The following LRRTM4 variants were observed in gnomAD, a reference collection of about 807,000 sequenced individuals.
LRRTM4 encodes the protein leucine-rich repeat transmembrane neuronal protein 4.
A neutral mutation model predicts 47.6 loss-of-function variants in LRRTM4; 25 were observed. The ratio of observed to expected loss-of-function variants is 0.53; its 90% CI spans 0.38 to 0.73. The LOEUF (loss-of-function observed/expected upper bound fraction) is 0.73, where lower values mean the gene tolerates loss of function less well. Ranked by LOEUF, LRRTM4 falls within the 30% of genes least tolerant of loss-of-function variation. The pLI is 0.00. For synonymous variants in LRRTM4, 311 were observed against 269.5 expected, an observed-to-expected ratio of 1.15 and a Z score of -1.51; for missense variants, 638 against 713.4, an observed-to-expected ratio of 0.89 and a Z score of 1.20.
At chr2:77,079,630 C>G (rs1032843983) in intron 3 of LRRTM4, among the ~76,000 whole-genome samples, 1 of 152,132 alleles carries the variant, frequency 6.6e-6, no homozygotes, top group Non-Finnish European at 1.5e-5. Context: ...ATTGGATACC[C>G]CTGCTGAATG....
intron 3 of LRRTM4, among the ~76,000 whole-genome samples, chr2:76,892,199 T>C (rs1238464883): frequency 1.3e-5 from 2 of 151,542 alleles, no homozygotes; most frequent in South Asian, 4.1e-4. Flanking sequence ...TCTCTCAAAA[T>C]AGAAATGGTT....
At chr2:77,392,217 G>C (rs1469692621) in intron 3 of LRRTM4, among the ~76,000 whole-genome samples, 2 of 151,938 alleles carry the variant, frequency 1.3e-5, no homozygotes, top group Non-Finnish European at 2.9e-5. Flanking sequence ...TCTTCAGGTG[G>C]AGCTTATTCC....
At chr2:77,466,675 A>G (rs1676993175) in intron 3 of LRRTM4, among the ~76,000 whole-genome samples, 1 of 150,564 alleles carries the variant, frequency 6.6e-6, no homozygotes, top group Non-Finnish European at 1.5e-5. Context: ...ATTTGGTGCT[A>G]TGATAAAAAA....
chr2:77,181,749 G>C (rs1054897588), intron 3 of LRRTM4, among the ~76,000 whole-genome samples: 1 of 151,906 alleles, frequency 6.6e-6, no homozygotes, highest in African/African-American at 2.4e-5. Context: ...GCAAAAAAAA[G>C]CAGTAGATGT....
At chr2:76,796,937 C>A (rs6707626) in intron 3 of LRRTM4, among the ~76,000 whole-genome samples, 91,826 of 151,734 alleles carry the variant, frequency 0.61, 29,333 homozygotes, top group African/African-American at 0.78. Context: ...AAGAAATGAG[C>A]AAAGCCTCCA....
chr2:76,857,658 G>T (rs1253777954), intron 3 of LRRTM4, among the ~76,000 whole-genome samples: 2 of 152,084 alleles, frequency 1.3e-5, no homozygotes, highest in East Asian at 3.9e-4. Flanking sequence ...CTGCATAATT[G>T]TTTATACTGA....
intron 3 of LRRTM4, among the ~76,000 whole-genome samples, chr2:76,947,537 G>A (rs182888520): frequency 2.0e-5 from 3 of 151,814 alleles, no homozygotes; most frequent in Non-Finnish European, 4.4e-5. Context: ...CACTCATAAT[G>A]TATGTTAAAC....
intron 3 of LRRTM4, among the ~76,000 whole-genome samples, chr2:77,297,341 TAATGA>T (rs1677001516): frequency 6.6e-6 from 1 of 152,176 alleles, no homozygotes. Context: ...AACTAAAATT[TAATGA>T]GACTGATTAT....
chr2:77,207,664 C>G (rs1356290289), intron 3 of LRRTM4, among the ~76,000 whole-genome samples: 4 of 151,782 alleles, frequency 2.6e-5, no homozygotes, highest in African/African-American at 9.7e-5. Flanking sequence ...CAATCACTGA[C>G]AATTCTGGAT....
chr2:77,167,932 C>T (rs1276981304), intron 3 of LRRTM4, among the ~76,000 whole-genome samples: 1 of 151,998 alleles, frequency 6.6e-6, no homozygotes, highest in African/African-American at 2.4e-5. Context: ...CACATGTACC[C>T]TAGAACTTAA....
intron 3 of LRRTM4, among the ~76,000 whole-genome samples, chr2:76,848,572 C>T (rs1399791950): frequency 6.6e-6 from 1 of 151,962 alleles, no homozygotes; most frequent in African/African-American, 2.4e-5. Flanking sequence ...AAAATGGAAA[C>T]ATTTGTTATA....
intron 3 of LRRTM4, among the ~76,000 whole-genome samples, chr2:77,193,732 C>T (rs186435473): frequency 2.0e-5 from 3 of 152,110 alleles, no homozygotes; most frequent in African/African-American, 7.2e-5. Context: ...AGCCAGGAGG[C>T]GGGCATTGCA....
chr2:76,762,896 A>G (rs1016937474), intron 3 of LRRTM4, among the ~76,000 whole-genome samples: 1 of 152,194 alleles, frequency 6.6e-6, no homozygotes, highest in Non-Finnish European at 1.5e-5. Context: ...TTTAAATAAC[A>G]TAACATCAAC....
intron 3 of LRRTM4, among the ~76,000 whole-genome samples, chr2:77,382,782 C>T (rs967049748): frequency 2.6e-5 from 4 of 152,128 alleles, no homozygotes; most frequent in Non-Finnish European, 5.9e-5. Context: ...AAATATTTTT[C>T]ACCTTTTTAA....
At chr2:76,901,770 C>T (rs1279374893) in intron 3 of LRRTM4, among the ~76,000 whole-genome samples, 1 of 152,048 alleles carries the variant, frequency 6.6e-6, no homozygotes, top group Non-Finnish European at 1.5e-5. Context: ...TCCGAGGTCA[C>T]CAAAATTCAC....
At position 77,420,087 on chromosome 2, in the gene LRRTM4, T is replaced by A. The variant is rs146273403; in HGVS notation, c.1551+98231A>T. Among the ~76,000 whole-genome samples the A allele has an allele frequency of 3.3e-5, 5 of 152,306 alleles. No individual in the cohort carries two copies. The East Asian group carries it at 9.7e-4, about 30-fold the overall frequency. The stretch of plus-strand genomic sequence containing the variant: ...AACCCAAGGGTGAGCTGTGAAAGGA[T>A]CTGCTTCTTAGCTCACTCACATCAT... On this transcript the variant is annotated intron_variant, in intron 3 of 3. Coordinates refer to ENST00000409884, the MANE Select transcript of LRRTM4 (RefSeq NM_001134745.3).
intron 3 of LRRTM4, among the ~76,000 whole-genome samples, chr2:76,873,329 T>C (rs1379414617): frequency 6.6e-6 from 1 of 151,736 alleles, no homozygotes; most frequent in Non-Finnish European, 1.5e-5. Context: ...AGAGCCCTCT[T>C]TGGCACAACT....
At chr2:76,807,926 T>C (rs981974344) in intron 3 of LRRTM4, among the ~76,000 whole-genome samples, 1 of 118,908 alleles carries the variant, frequency 8.4e-6, no homozygotes, top group African/African-American at 2.9e-5. Context: ...TTCCTTTCTT[T>C]CCTTTCCTTT....
intron 3 of LRRTM4, among the ~76,000 whole-genome samples, chr2:77,445,856 C>A (rs1047792827): frequency 2.0e-5 from 3 of 151,922 alleles, no homozygotes; most frequent in Admixed American, 6.6e-5. Flanking sequence ...ATCTGATGGG[C>A]TTTCGTGAGA....
Sources: gnomAD v4.1 joint callset for allele counts (sites outside exome capture counted in the v4.1 genomes callset) on GRCh38, gnomAD v4.1.1 for gene constraint, MANE v1.5 for transcripts, NCBI Gene and HGNC (gene_info 2026-07-23, HGNC 2026-07-21) for gene names.